SDCCAG8: variants seen among roughly 807,000 people sequenced by gnomAD.
SDCCAG8 encodes SHH signaling and ciliogenesis regulator SDCCAG8, also known as serologically defined colon cancer antigen 8.
A neutral mutation model predicts 101.8 loss-of-function variants in SDCCAG8; 74 were observed. The observed-to-expected ratio is 0.73, with a 90% CI of 0.60 to 0.88. The LOEUF is 0.88. Ranked by LOEUF, SDCCAG8 falls within the 40% of genes least tolerant of loss-of-function variation. The pLI is 0.00. For missense variants in SDCCAG8, 787 were observed against 822.6 expected (o/e 0.96, Z 0.53); for synonymous variants, 281 against 292.9 (o/e 0.96, Z 0.41).
At chr1:243,319,652 C>T (rs1404773123) in intron 9 of SDCCAG8, among the ~76,000 whole-genome samples, 1 of 152,132 alleles carries the variant, frequency 6.6e-6, no homozygotes, top group African/African-American at 2.4e-5. Flanking sequence ...GGATTACAGG[C>T]GTGAGCCACC....
Position 243,352,492 on chromosome 1 carries a change from C to A in SDCCAG8, c.1473+8161C>A, listed in dbSNP as rs540570329. 2.6e-5 allele frequency among the ~76,000 whole-genome samples: 4 copies of A among 152,274 alleles called. No homozygotes were observed. In the East Asian group the frequency reaches 7.7e-4, roughly 29 times the overall value. On this transcript the variant is annotated intron_variant, in intron 12 of 17. Coordinates refer to ENST00000366541, the MANE Select transcript of SDCCAG8 (RefSeq NM_006642.5). ...ACTTGCAAAGTGCCTTCTCAGGTAC[C>A]AACTCTGCAGTTCTGGTAGCTACCA... is the stretch of plus-strand genomic sequence containing the variant.
chr1:243,414,028 C>T (rs2080384004), intron 13 of SDCCAG8, among the ~76,000 whole-genome samples: 1 of 152,156 alleles, frequency 6.6e-6, no homozygotes, highest in Admixed American at 6.5e-5. Flanking sequence ...TCCTGTGTGC[C>T]AAGCACTGAG....
At chr1:243,460,681 A>G (rs1425637668) in intron 16 of SDCCAG8, among the ~76,000 whole-genome samples, 1 of 152,234 alleles carries the variant, frequency 6.6e-6, no homozygotes, top group Non-Finnish European at 1.5e-5. Flanking sequence ...AGAGATGGAA[A>G]TACTGGAGAT....
At chr1:243,401,161 A>G (rs561807924) in intron 13 of SDCCAG8, among the ~76,000 whole-genome samples, 5 of 152,314 alleles carry the variant, frequency 3.3e-5, no homozygotes, top group Admixed American at 3.3e-4. Context: ...AAGACTTACT[A>G]TGTGTGCTCC....
intron 16 of SDCCAG8, among the ~76,000 whole-genome samples, chr1:243,484,879 A>G (rs987839868): frequency 1.3e-5 from 2 of 152,116 alleles, no homozygotes; most frequent in Non-Finnish European, 2.9e-5. Flanking sequence ...CCCCATCTCT[A>G]CTAAAAATAC....
At chr1:243,283,891 C>G (rs1431821515) in intron 4 of SDCCAG8, among the ~76,000 whole-genome samples, 1 of 152,132 alleles carries the variant, frequency 6.6e-6, no homozygotes, top group Admixed American at 6.5e-5. Flanking sequence ...CAGGCATGCA[C>G]CACCACCCCC....
intron 12 of SDCCAG8, among the ~76,000 whole-genome samples, chr1:243,370,075 T>C: frequency 6.6e-6 from 1 of 152,068 alleles, no homozygotes; most frequent in African/African-American, 2.4e-5. Flanking sequence ...CACCTCTCTT[T>C]TATAGCTTTC....
chr1:243,268,275 C>G (rs559578951), intron 1 of SDCCAG8, among the ~76,000 whole-genome samples: 4 of 152,200 alleles, frequency 2.6e-5, no homozygotes, highest in Non-Finnish European at 5.9e-5. Context: ...AAATCTAAAG[C>G]TCCATGAACT....
chr1:243,273,570 A>C (rs2149267312), intron 3 of SDCCAG8, among the ~76,000 whole-genome samples: 1 of 152,288 alleles, frequency 6.6e-6, no homozygotes, highest in South Asian at 2.1e-4. Flanking sequence ...AGAACACCAT[A>C]CACTTGAATT....
intron 2 of SDCCAG8, 82 bp from the exon 3 acceptor site, chr1:243,270,896 T>G (rs957238968): frequency 3.0e-6 from 3 of 983,976 alleles, no homozygotes; most frequent in Non-Finnish European, 4.9e-6. Context: ...TCAGCAATTT[T>G]TATTAGTTGG....
At chr1:243,312,707 A>AG (rs11374742) in intron 8 of SDCCAG8, among the ~76,000 whole-genome samples, 2 of 61,452 alleles carry the variant, frequency 3.3e-5, no homozygotes, top group African/African-American at 1.8e-4. Flanking sequence ...ACCTGTCTCC[A>AG]AAAAAAAAAA....
At chr1:243,352,968 A>G (rs905669267) in intron 12 of SDCCAG8, among the ~76,000 whole-genome samples, 1 of 152,234 alleles carries the variant, frequency 6.6e-6, no homozygotes, top group African/African-American at 2.4e-5. Context: ...GAGAACAGCC[A>G]CTATGACAGA....
intron 15 of SDCCAG8, among the ~76,000 whole-genome samples, chr1:243,425,651 G>A (rs1173738077): frequency 1.3e-5 from 2 of 152,160 alleles, no homozygotes; most frequent in African/African-American, 2.4e-5. Context: ...GATGGTGGCA[G>A]TAGGCAGTAA....
At chr1:243,449,487 G>A (rs1468754783) in intron 16 of SDCCAG8, among the ~76,000 whole-genome samples, 1 of 152,200 alleles carries the variant, frequency 6.6e-6, no homozygotes, top group Non-Finnish European at 1.5e-5. Flanking sequence ...ATAGACTTGA[G>A]GCTGGGAAAC....
intron 4 of SDCCAG8, among the ~76,000 whole-genome samples, chr1:243,276,269 T>C (rs1354949793): frequency 6.6e-6 from 1 of 152,176 alleles, no homozygotes; most frequent in East Asian, 1.9e-4. Context: ...ATATGGTTTG[T>C]GGGGGCCATA....
intron 13 of SDCCAG8, among the ~76,000 whole-genome samples, chr1:243,407,491 A>T (rs1394638073): frequency 6.6e-6 from 1 of 152,166 alleles, no homozygotes; most frequent in Admixed American, 6.6e-5. Flanking sequence ...GAGTTGATAG[A>T]GTCTGTGGTT....
In SDCCAG8 at chr1:243,474,412, G is replaced by T. The variant is rs1661927108; in HGVS notation, c.1986-14602G>T. On this transcript the variant is annotated intron_variant, in intron 16 of 17. Transcript: ENST00000366541. The surrounding 1 kb of genome is among the most constrained non-coding windows in gnomAD (Gnocchi z 4.7). Reference sequence around the variant, plus strand: ...CAAGCCCCGGCCGGCTGCCCTCCAGGTGCGGGCTCCAGGCCCTCTCGCGCG... The same window carrying T: ...CAAGCCCCGGCCGGCTGCCCTCCAGTTGCGGGCTCCAGGCCCTCTCGCGCG... Among the ~76,000 whole-genome samples the T allele has an allele frequency of 6.6e-6, 1 of 152,196 alleles. No individual in the cohort carries two copies. Among genetic ancestry groups the T allele is most frequent in the African/African-American group, 2.4e-5 (1 of 41,464 alleles).
At chr1:243,451,561 C>A (rs566437060) in intron 16 of SDCCAG8, among the ~76,000 whole-genome samples, 1 of 152,158 alleles carries the variant, frequency 6.6e-6, no homozygotes, top group Non-Finnish European at 1.5e-5. Context: ...TGGACATATT[C>A]AGAGTAGCCT....
intron 16 of SDCCAG8, among the ~76,000 whole-genome samples, chr1:243,475,472 A>C (rs1372911438): frequency 1.3e-5 from 2 of 152,074 alleles, no homozygotes; most frequent in African/African-American, 2.4e-5. Context: ...CCTCTTACTC[A>C]GGAAATCTTA....
Sources: gnomAD v4.1 joint callset for allele counts (sites outside exome capture counted in the v4.1 genomes callset) on GRCh38, gnomAD v4.1.1 for gene constraint, Gnocchi (gnomAD v3.1) non-coding constraint, MANE v1.5 for transcripts, NCBI Gene and HGNC (gene_info 2026-07-23, HGNC 2026-07-21) for gene names.